The following RPL26L1 variants were observed in gnomAD, a reference collection of about 807,000 sequenced individuals.
The protein encoded by RPL26L1 is ribosomal protein L26 like 1.
RPL26L1 carries 8 observed loss-of-function variants against 15.2 expected under a neutral mutation model. The ratio of observed to expected loss-of-function variants is 0.53; its 90% CI spans 0.31 to 0.95. The LOEUF (loss-of-function observed/expected upper bound fraction) is 0.95, where lower values mean the gene tolerates loss of function less well. RPL26L1 is among the 40% of genes least tolerant of loss of function. RPL26L1 has a pLI of 0.05. For synonymous variants in RPL26L1, 51 were observed against 65.9 expected, an observed-to-expected ratio of 0.77 and a Z score of 1.09; for missense variants, 146 against 190.9, an observed-to-expected ratio of 0.76 and a Z score of 1.39.
At chr5:172,955,129 GTTTTT>G (rs58150544), upstream of RPL26L1, 1,802 of 226,812 alleles carry the variant, frequency 7.9e-3, 1 homozygote, top group South Asian at 0.012. Flanking sequence ...GCTGTGGTTA[GTTTTT>G]TTTTTTTTTT....
rs1252476584 is a variant in RPL26L1 at position 172,968,526 on chromosome 5, T to A, written c.236T>A (p.Val79Asp). Residue 79 changes from valine (V) to aspartate (D), a missense_variant, in exon 3 of 4, where the codon GTC becomes GAC. Val to Asp is a radical substitution (Grantham distance 152). Transcript: ENST00000265100. ...KVVQVYRKKY[V>D]IYIERVQREK... is the part of the protein sequence containing the mutation. ...GTCCAGGTGTACAGAAAGAAATATG[T>A]CATCTACATCGAGCGGGTGCAGCGT... The A allele has an allele frequency of 4.3e-6, 7 of 1,613,998 alleles. No homozygotes were observed. Among genetic ancestry groups the A allele is most frequent in the Non-Finnish European group, 5.1e-6 (6 of 1,179,996 alleles).
In RPL26L1 at chr5:172,959,469, G is replaced by T. The variant is rs1755130530; in HGVS notation, c.-10+1G>T. 9.8e-7 allele frequency: 1 copy of T among 1,018,722 alleles called. No individual in the cohort carries two copies. The highest frequency in any genetic ancestry group is 1.2e-6 in the Non-Finnish European group (1 of 846,832). 63.1% of individuals were successfully genotyped at this position (1,018,722 alleles called of 1,614,324 possible). On this transcript the variant is annotated splice_donor_variant, in intron 1 of 3. Coordinates refer to ENST00000265100, the MANE Select transcript of RPL26L1 (RefSeq NM_016093.4). LOFTEE classifies it low-confidence loss of function (5UTR_SPLICE). The stretch of plus-strand genomic sequence containing the variant: ...AGGGTCTGAGGCAGCTAGTAGCCGG[G>T]TGAGTGGAGGCTGGAGTTTTCTCGG...
Position 172,969,306 on chromosome 5 carries a change from T to A in RPL26L1, c.310-107T>A. The A allele has an allele frequency of 2.5e-6, 3 of 1,180,644 alleles. No individual in the cohort carries two copies. In the East Asian group the frequency reaches 7.2e-5, roughly 29 times the overall value. The allele number at this position is 1,180,644 out of a possible 1,614,324, so 73.1% of individuals were successfully genotyped here. A position where few individuals can be genotyped will look rare whatever the true frequency, so the allele number is the denominator to read the frequency against. On this transcript the variant is annotated intron_variant, in intron 3 of 3. Transcript: ENST00000265100. ...GTCTGTTTTCCTTCCAGAGTTTCAGTTCCTTAAAAGCTGAATGGCTGAGGT... is the reference window on the plus strand; with the variant it reads ...GTCTGTTTTCCTTCCAGAGTTTCAGATCCTTAAAAGCTGAATGGCTGAGGT...
chr5:172,964,467 A>T (rs1755374724), intron 2 of RPL26L1, among the ~76,000 whole-genome samples: 1 of 150,526 alleles, frequency 6.6e-6, no homozygotes, highest in Non-Finnish European at 1.5e-5. Flanking sequence ...CATATTTTTA[A>T]TAGAGACGGG....
rs149161949 is a variant in RPL26L1, at chr5:172,969,492, A to T, written c.389A>T (p.Lys130Ile). 190 of 1,613,638 alleles carry T rather than the reference A, an allele frequency of 1.2e-4. No individual in the cohort carries two copies. Among genetic ancestry groups the T allele is most frequent in the Non-Finnish European group, 1.6e-4 (188 of 1,179,714 alleles). The change falls in exon 4 of 4, where the codon AAA becomes ATA. Residue 130 changes from lysine to isoleucine, a missense_variant. Physicochemically the swap from Lys to Ile is moderately radical, Grantham distance 102 (BLOSUM62 -3). Coordinates refer to ENST00000265100, the MANE Select transcript of RPL26L1 (RefSeq NM_016093.4). The part of the protein sequence containing the change: ...ERKAKSRQVG[K>I]EKGKYKEELI... ...AAAGCCAAGTCTCGACAAGTTGGAA[A>T]AGAGAAAGGCAAATATAAAGAAGAA... is the stretch of plus-strand genomic sequence containing the variant.
intron 2 of RPL26L1, among the ~76,000 whole-genome samples, chr5:172,963,903 A>C (rs1259531037): frequency 6.6e-6 from 1 of 152,158 alleles, no homozygotes; most frequent in Non-Finnish European, 1.5e-5. Flanking sequence ...TGTACTCATT[A>C]ACTGCTTACT....
In RPL26L1 at chr5:172,959,470, T is replaced by C. The variant is rs1755130744; in HGVS notation, c.-10+2T>C. 3.9e-6 allele frequency: 4 copies of C among 1,017,164 alleles called. No individual in the cohort carries two copies. Among genetic ancestry groups the C allele is most frequent in the Non-Finnish European group, 4.7e-6 (4 of 846,042 alleles). 63.0% of individuals were successfully genotyped at this position (1,017,164 alleles called of 1,614,324 possible). ...GGGTCTGAGGCAGCTAGTAGCCGGG[T>C]GAGTGGAGGCTGGAGTTTTCTCGGA... On this transcript the variant is annotated splice_donor_variant, in intron 1 of 3. Coordinates refer to ENST00000265100, the MANE Select transcript of RPL26L1 (RefSeq NM_016093.4). LOFTEE classifies it low-confidence loss of function (5UTR_SPLICE).
In RPL26L1 at chr5:172,959,946, G is replaced by A. The variant is rs181294432; in HGVS notation, c.73G>A (p.Val25Met). Residue 25 changes from valine (V) to methionine (M), a missense_variant, in exon 2 of 4, where the codon GTG becomes ATG. Val to Met is a conservative substitution (Grantham distance 21). Coordinates refer to ENST00000265100, the MANE Select transcript of RPL26L1 (RefSeq NM_016093.4). ...RKRHFNAPSH[V>M]RRKIMSSPLS... ...ACGTCACTTCAATGCCCCCTCACAC[G>A]TGCGCAGGAAGATCATGTCATCCCC... The A allele has an allele frequency of 7.9e-5, 127 of 1,614,184 alleles. No individual in the cohort carries two copies. In the East Asian group the frequency reaches 9.6e-4, roughly 12 times the overall value.
intron 2 of RPL26L1, among the ~76,000 whole-genome samples, chr5:172,967,942 TAC>T (rs938344297): frequency 2.0e-5 from 3 of 151,634 alleles, no homozygotes; most frequent in East Asian, 1.9e-4. Context: ...ATTATATATA[TAC>T]ACACACACAT....
At chr5:172,961,325 C>T (rs1218585483) in intron 2 of RPL26L1, among the ~76,000 whole-genome samples, 3 of 152,144 alleles carry the variant, frequency 2.0e-5, no homozygotes, top group Non-Finnish European at 2.9e-5. Context: ...ATTGCAAATA[C>T]TTATAGGGGA....
chr5:172,961,474 A>T (rs1163900057), intron 2 of RPL26L1, among the ~76,000 whole-genome samples: 1 of 152,176 alleles, frequency 6.6e-6, no homozygotes, highest in East Asian at 1.9e-4. Flanking sequence ...GAGCTGGAAA[A>T]TTTGGATTCA....
At chr5:172,963,010 A>G (rs1456690109) in intron 2 of RPL26L1, among the ~76,000 whole-genome samples, 1 of 152,136 alleles carries the variant, frequency 6.6e-6, no homozygotes, top group Non-Finnish European at 1.5e-5. Flanking sequence ...TGAGGAACTA[A>G]TACATTTAAG....
chr5:172,961,425 A>G (rs770405396), intron 2 of RPL26L1, among the ~76,000 whole-genome samples: 1 of 152,174 alleles, frequency 6.6e-6, no homozygotes, highest in Non-Finnish European at 1.5e-5. Flanking sequence ...TGCCTGGGGG[A>G]AATGCAGGCC....
chr5:172,961,423 G>T (rs1487653984), intron 2 of RPL26L1, among the ~76,000 whole-genome samples: 2 of 152,134 alleles, frequency 1.3e-5, no homozygotes, highest in Non-Finnish European at 2.9e-5. Flanking sequence ...GATGCCTGGG[G>T]GAAATGCAGG....
At chr5:172,959,307 G>A, upstream of RPL26L1, 1 of 958,622 alleles carries the variant, frequency 1.0e-6, no homozygotes, top group Non-Finnish European at 1.3e-6. Flanking sequence ...GCCCTCCCGG[G>A]GCCGCCAGGA....
chr5:172,958,595 G>A (rs1399403251), upstream of RPL26L1: 5 of 355,208 alleles, frequency 1.4e-5, no homozygotes, highest in South Asian at 4.0e-5. Flanking sequence ...CCACGGAGGG[G>A]GCGTGGTTGA....
At chr5:172,968,918 C>T (rs1247272883) in intron 3 of RPL26L1, among the ~76,000 whole-genome samples, 1 of 147,796 alleles carries the variant, frequency 6.8e-6, no homozygotes, top group Non-Finnish European at 1.5e-5. Context: ...AGCAATTCTC[C>T]TGCCTCAGCC....
chr5:172,965,764 C>T (rs182929365), intron 2 of RPL26L1, among the ~76,000 whole-genome samples: 4 of 152,116 alleles, frequency 2.6e-5, no homozygotes, highest in Non-Finnish European at 5.9e-5. Flanking sequence ...TTTCTCATAC[C>T]ATCACTCCTT....
upstream of RPL26L1, chr5:172,955,263 A>G (rs28550282): frequency 0.35 from 104,137 of 296,698 alleles, 20,719 homozygotes; most frequent in East Asian, 0.72. Flanking sequence ...TGAGTAGCTG[A>G]GATTACAGGC....
Sources: gnomAD v4.1 joint callset for allele counts (sites outside exome capture counted in the v4.1 genomes callset) on GRCh38, gnomAD v4.1.1 for gene constraint, MANE v1.5 for transcripts, NCBI Gene and HGNC (gene_info 2026-07-23, HGNC 2026-07-21) for gene names.